RBFOX1: variants seen among roughly 807,000 people sequenced by gnomAD.
The protein encoded by RBFOX1 is RNA binding protein fox-1 homolog 1.
RBFOX1 carries 8 observed loss-of-function variants against 57.7 expected under a neutral mutation model. The observed-to-expected ratio is 0.14, with a 90% CI of 0.08 to 0.25. RBFOX1 has a LOEUF of 0.25. Among genes scored for constraint, RBFOX1 ranks in the 10% least tolerant of loss-of-function variants. The pLI, the probability that RBFOX1 is intolerant of heterozygous loss-of-function variation, is 1.00. For missense variants in RBFOX1, 611 were observed against 548.5 expected, an observed-to-expected ratio of 1.11 and a Z score of -1.14; for synonymous variants, 326 against 222.4, an observed-to-expected ratio of 1.47 and a Z score of -4.15.
chr16:5,271,648 GC>G (rs1450997376), intron 1 of RBFOX1, among the ~76,000 whole-genome samples: 1 of 152,194 alleles, frequency 6.6e-6, no homozygotes, highest in Non-Finnish European at 1.5e-5. Flanking sequence ...ATGTGTCCCT[GC>G]TCTACAGTGA....
chr16:5,369,141 A>G (rs909164163), intron 1 of RBFOX1, among the ~76,000 whole-genome samples: 5 of 152,174 alleles, frequency 3.3e-5, no homozygotes, highest in African/African-American at 1.2e-4. Flanking sequence ...AGCTAGGATT[A>G]CAAACATGTG....
chr16:6,370,327 T>C (rs1386335616), intron 2 of RBFOX1, among the ~76,000 whole-genome samples: 1 of 121,834 alleles, frequency 8.2e-6, no homozygotes, highest in Non-Finnish European at 1.6e-5. Context: ...CACTGCACTC[T>C]AGCCTGGGCG....
chr16:5,734,163 G>C (rs952502343), intron 3 of RBFOX1, among the ~76,000 whole-genome samples: 3 of 152,102 alleles, frequency 2.0e-5, no homozygotes, highest in Non-Finnish European at 4.4e-5. Flanking sequence ...TGTCTTGTCT[G>C]TTCAAAGAGC....
At chr16:7,476,532 G>C (rs2062743688) in intron 4 of RBFOX1, among the ~76,000 whole-genome samples, 1 of 152,338 alleles carries the variant, frequency 6.6e-6, no homozygotes, top group Middle Eastern at 3.4e-3. Context: ...GAAGATACAA[G>C]AGGAAAACTT....
intron 1 of RBFOX1, among the ~76,000 whole-genome samples, chr16:6,179,175 T>C (rs1453305985): frequency 2.0e-5 from 3 of 152,188 alleles, no homozygotes; most frequent in Non-Finnish European, 4.4e-5. Flanking sequence ...AACTCCTGCA[T>C]GCTTGAGATG....
intron 5 of RBFOX1, among the ~76,000 whole-genome samples, chr16:7,545,248 C>T (rs1446876630): frequency 6.6e-6 from 1 of 152,132 alleles, no homozygotes; most frequent in African/African-American, 2.4e-5. Flanking sequence ...CCCTGCCTTT[C>T]CTTTCCTGAA....
intron 3 of RBFOX1, among the ~76,000 whole-genome samples, chr16:5,659,073 G>A (rs2049558555): frequency 2.0e-5 from 3 of 151,860 alleles, no homozygotes; most frequent in Non-Finnish European, 4.4e-5. Context: ...GTTCTTTAAG[G>A]AATCTCCACA....
chr16:7,041,082 A>ATTT (rs61569211), intron 3 of RBFOX1, among the ~76,000 whole-genome samples: 4,803 of 109,034 alleles, frequency 0.044, 156 homozygotes, highest in Non-Finnish European at 0.057. Context: ...CGCCCAGCTA[A>ATTT]TTTTTTTTTT....
rs373725893 is a variant in RBFOX1, at chr16:6,963,420, C to G, written c.-15-88637C>G. 3.3e-5 allele frequency among the ~76,000 whole-genome samples: 5 copies of G among 152,232 alleles called. No individual in the cohort carries two copies. In the East Asian group the frequency reaches 5.8e-4, roughly 18 times the overall value. On this transcript the variant is annotated intron_variant, in intron 3 of 15. Coordinates refer to ENST00000550418, the MANE Select transcript of RBFOX1 (RefSeq NM_018723.4). ...CTTGAAATAAAAATGTGTTGTTGGA[C>G]TTCTACCAAATGGTTGGTGACAACA...
intron 14 of RBFOX1, among the ~76,000 whole-genome samples, chr16:7,681,380 C>G (rs2074695638): frequency 6.6e-6 from 1 of 152,060 alleles, no homozygotes; most frequent in Non-Finnish European, 1.5e-5. Flanking sequence ...TCCTTATGCA[C>G]AAAAGATTGT....
intron 4 of RBFOX1, among the ~76,000 whole-genome samples, chr16:7,443,799 A>G (rs963061492): frequency 2.0e-5 from 3 of 152,316 alleles, no homozygotes; most frequent in East Asian, 1.9e-4. Context: ...TATACATTAC[A>G]AAACCGAAGT....
chr16:6,859,869 C>A (rs994515117), intron 3 of RBFOX1, among the ~76,000 whole-genome samples: 1 of 152,126 alleles, frequency 6.6e-6, no homozygotes, highest in Non-Finnish European at 1.5e-5. Context: ...GCTTGCTTTT[C>A]CTTTGAGTTA....
At chr16:7,523,963 T>G (rs1044765466) in intron 5 of RBFOX1, among the ~76,000 whole-genome samples, 6 of 152,286 alleles carry the variant, frequency 3.9e-5, no homozygotes, top group Admixed American at 2.0e-4. Flanking sequence ...TCAAAGTGGG[T>G]CAGAACTATG....
At chr16:6,923,742 C>T (rs976260025) in intron 3 of RBFOX1, among the ~76,000 whole-genome samples, 8 of 152,068 alleles carry the variant, frequency 5.3e-5, no homozygotes, top group Non-Finnish European at 1.0e-4. Flanking sequence ...TGGTCAGGAA[C>T]ACAGATATCA....
chr16:5,754,434 G>A (rs1358878683), intron 3 of RBFOX1, among the ~76,000 whole-genome samples: 1 of 151,578 alleles, frequency 6.6e-6, no homozygotes, highest in Non-Finnish European at 1.5e-5. Context: ...TTCTCGTAAG[G>A]TGGGACGAGA....
chr16:7,634,172 C>A (rs1340439932), intron 11 of RBFOX1, among the ~76,000 whole-genome samples: 1 of 152,190 alleles, frequency 6.6e-6, no homozygotes, highest in African/African-American at 2.4e-5. Context: ...CCATACTTTT[C>A]AGCAATTGTG....
At position 5,656,985 on chromosome 16, in the gene RBFOX1, G is replaced by A. The variant is rs145640771; in HGVS notation, c.318+58024G>A. Among the ~76,000 whole-genome samples, 753 of 152,226 alleles carry A rather than the reference G, an allele frequency of 4.9e-3. 4 individuals are homozygous for A. The highest frequency in any genetic ancestry group is 6.8e-3 in the Middle Eastern group (2 of 294). ...GTTAGGACAAATATTTAATGCGTGC[G>A]GGGCTTAAAACCTAGATGATGGGTT... On this transcript the variant is annotated intron_variant, in intron 3 of 19. Transcript: ENST00000641259.
intron 2 of RBFOX1, 61 bp downstream of exon 2, chr16:6,317,118 C>T: frequency 1.4e-6 from 2 of 1,439,518 alleles, no homozygotes; most frequent in East Asian, 5.0e-5. Flanking sequence ...TGATCCTGTT[C>T]TCTCTGAAAA....
At chr16:5,250,649 A>G (rs574892784) in intron 1 of RBFOX1, among the ~76,000 whole-genome samples, 1 of 152,324 alleles carries the variant, frequency 6.6e-6, no homozygotes, top group South Asian at 2.1e-4. Flanking sequence ...CATTCTTCGG[A>G]AAGCCTGCTT....
Sources: allele counts gnomAD v4.1 joint callset (sites outside exome capture counted in the v4.1 genomes callset), GRCh38; gene constraint gnomAD v4.1.1; transcripts MANE v1.5; gene names NCBI Gene and HGNC (gene_info 2026-07-23, HGNC 2026-07-21).